MTCL2: variants seen among roughly 807,000 people sequenced by gnomAD.
MTCL2 encodes microtubule cross-linking factor 2.
At chr20:36,813,752 CAAAAAAAAAAA>C in the MTCL2 span, among the ~76,000 whole-genome samples, 3 of 65,846 alleles carry the variant, frequency 4.6e-5, no homozygotes, top group Admixed American at 2.2e-4. Flanking sequence ...GACTCTGTCT[CAAAAAAAAAAA>C]AAAAAAAAAA....
the MTCL2 span, chr20:36,786,272 C>A: frequency 8.0e-6 from 10 of 1,248,464 alleles, no homozygotes; most frequent in Non-Finnish European, 1.0e-5. Flanking sequence ...CTGCCTTCCC[C>A]TGGGAAGTCG....
the MTCL2 span, among the ~76,000 whole-genome samples, chr20:36,842,886 G>A: frequency 1.3e-5 from 2 of 152,178 alleles, no homozygotes; most frequent in South Asian, 2.1e-4. Context: ...GGGGTGGGGG[G>A]TCCAAGGGGC....
chr20:36,779,458 A>G, the MTCL2 span: 1 of 152,430 alleles, frequency 6.6e-6, no homozygotes, highest in African/African-American at 2.4e-5. Context: ...CCACCACCAC[A>G]CACACGCCCA....
chr20:36,795,263 A>T, the MTCL2 span, among the ~76,000 whole-genome samples: 9 of 151,850 alleles, frequency 5.9e-5, no homozygotes, highest in South Asian at 2.1e-4. Context: ...TTTTTAAAAA[A>T]TTTTTTGTAG....
At chr20:36,839,283 A>G in the MTCL2 span, 1 of 1,611,594 alleles carries the variant, frequency 6.2e-7, no homozygotes, top group African/African-American at 1.3e-5. The surrounding 1 kb of genome is among the most constrained non-coding windows in gnomAD (Gnocchi z 5.1). Context: ...CGGCACGGAG[A>G]CTGCGGCGCT....
the MTCL2 span, among the ~76,000 whole-genome samples, chr20:36,801,982 A>AAAAT: frequency 1.3e-5 from 2 of 151,322 alleles, no homozygotes; most frequent in East Asian, 3.9e-4. Flanking sequence ...TAAATAAATA[A>AAAAT]AAATAAATAA....
chr20:36,835,129 AT>A, the MTCL2 span, among the ~76,000 whole-genome samples: 1 of 152,180 alleles, frequency 6.6e-6, no homozygotes, highest in Non-Finnish European at 1.5e-5. Flanking sequence ...TTTTATCTCC[AT>A]TTTCCATGAG....
the MTCL2 span, chr20:36,808,621 G>C: frequency 8.1e-6 from 13 of 1,612,202 alleles, no homozygotes; most frequent in South Asian, 1.4e-4. Context: ...TGAATTGCTG[G>C]GACTCCTGCA....
chr20:36,838,871 GGC>G, the MTCL2 span, among the ~76,000 whole-genome samples: 1 of 152,110 alleles, frequency 6.6e-6, no homozygotes. Context: ...GGGAGGCTGA[GGC>G]AAGAGAAATC....
the MTCL2 span, chr20:36,862,630 A>G: frequency 0.44 from 648,954 of 1,475,132 alleles, 149,500 homozygotes; most frequent in Middle Eastern, 0.61. Flanking sequence ...GACCCCTGCG[A>G]CCTCCCTTTC....
At chr20:36,794,694 C>A in the MTCL2 span, 1 of 1,511,628 alleles carries the variant, frequency 6.6e-7, no homozygotes, top group African/African-American at 1.4e-5. This position sits in a 1 kb window ranked among gnomAD's most constrained non-coding sequence, Gnocchi z 5.4. Flanking sequence ...TGCGTGAGGG[C>A]AAAGACCAGG....
At chr20:36,793,879 G>T in the MTCL2 span, 2 of 1,549,966 alleles carry the variant, frequency 1.3e-6, no homozygotes. The surrounding 1 kb of genome is among the most constrained non-coding windows in gnomAD (Gnocchi z 6.8). Flanking sequence ...ACCAGGCCTT[G>T]CCATGGAGGC....
the MTCL2 span, chr20:36,781,884 G>C: frequency 1.3e-5 from 2 of 152,068 alleles, no homozygotes; most frequent in South Asian, 4.1e-4. Flanking sequence ...GCCCAGGCTA[G>C]AGCGCAATGG....
the MTCL2 span, among the ~76,000 whole-genome samples, chr20:36,808,230 C>T: frequency 6.6e-6 from 1 of 151,676 alleles, no homozygotes; most frequent in Non-Finnish European, 1.5e-5. Flanking sequence ...GTGGCATGTG[C>T]CTGTAATCCC....
the MTCL2 span, among the ~76,000 whole-genome samples, chr20:36,852,455 C>A: frequency 2.6e-4 from 39 of 152,356 alleles, no homozygotes; most frequent in Non-Finnish European, 4.9e-4. Context: ...TCTGTCAAGG[C>A]TCCAGATGAG....
the MTCL2 span, among the ~76,000 whole-genome samples, chr20:36,824,162 G>A: frequency 2.9e-4 from 44 of 151,436 alleles, no homozygotes; most frequent in East Asian, 3.9e-4. Flanking sequence ...CCCCAGTCAC[G>A]TCTACATCCT....
At chr20:36,857,445 C>A in the MTCL2 span, among the ~76,000 whole-genome samples, 2 of 152,118 alleles carry the variant, frequency 1.3e-5, no homozygotes, top group South Asian at 4.1e-4. Context: ...AAGCATCCAA[C>A]ACCAGCGAGT....
the MTCL2 span, chr20:36,785,623 G>T: frequency 2.0e-6 from 2 of 985,354 alleles, no homozygotes; most frequent in South Asian, 4.7e-5. Context: ...CAGGGAAAGA[G>T]GCCTCTGAGA....
the MTCL2 span, among the ~76,000 whole-genome samples, chr20:36,809,407 C>A: frequency 6.6e-6 from 1 of 152,092 alleles, no homozygotes; most frequent in Admixed American, 6.6e-5. Context: ...GATGAGGGCA[C>A]CATTTCATAA....
Sources: gnomAD v4.1 joint callset for allele counts (sites outside exome capture counted in the v4.1 genomes callset) on GRCh38, gnomAD v4.1.1 for gene constraint, Gnocchi (gnomAD v3.1) non-coding constraint, MANE v1.5 for transcripts, NCBI Gene and HGNC (gene_info 2026-07-23, HGNC 2026-07-21) for gene names.